CEP112: variants seen among roughly 807,000 people sequenced by gnomAD.
CEP112 encodes the protein centrosomal protein of 112 kDa.
Under a neutral mutation model 153.0 loss-of-function variants are expected in CEP112, and 127 were observed. The ratio of observed to expected loss-of-function variants is 0.83; its 90% confidence interval spans 0.72 to 0.96. The LOEUF is 0.96. Ranked by LOEUF, CEP112 falls within the 40% of genes least tolerant of loss-of-function variation. The pLI, the probability that CEP112 is intolerant of heterozygous loss-of-function variation, is 0.00. For missense variants in CEP112, 1,089 were observed against 1,101.2 expected (o/e 0.99, Z 0.16); for synonymous variants, 358 against 374.4 (o/e 0.96, Z 0.51).
intron 23 of CEP112, among the ~76,000 whole-genome samples, chr17:65,711,304 C>A (rs906779684): frequency 6.6e-6 from 1 of 152,152 alleles, no homozygotes; most frequent in African/African-American, 2.4e-5. Flanking sequence ...AATCTCTGCT[C>A]CAACTCTTTG....
chr17:66,145,939 T>G (rs1568544828), intron 4 of CEP112, among the ~76,000 whole-genome samples: 1 of 152,082 alleles, frequency 6.6e-6, no homozygotes, highest in African/African-American at 2.4e-5. Flanking sequence ...AAAACTATGA[T>G]GAAATACATA....
At chr17:66,182,518 C>G (rs979023411) in intron 2 of CEP112, 5 of 152,184 alleles carry the variant, frequency 3.3e-5, no homozygotes, top group Admixed American at 2.0e-4. Context: ...TGGTCCCACT[C>G]CAAACCTACC....
intron 23 of CEP112, among the ~76,000 whole-genome samples, chr17:65,713,484 CT>C (rs1312759805): frequency 6.6e-6 from 1 of 152,218 alleles, no homozygotes; most frequent in Non-Finnish European, 1.5e-5. Context: ...AGAAAACATA[CT>C]CTTGTGAAGG....
chr17:66,154,906 T>G (rs1459638132), intron 4 of CEP112, among the ~76,000 whole-genome samples: 1 of 152,236 alleles, frequency 6.6e-6, no homozygotes, highest in Non-Finnish European at 1.5e-5. Context: ...AGTTAGGCCA[T>G]GAAGGCTTTG....
chr17:66,108,823 T>C (rs548512051), intron 6 of CEP112, among the ~76,000 whole-genome samples: 2 of 152,300 alleles, frequency 1.3e-5, no homozygotes, highest in East Asian at 3.9e-4. Context: ...CCCATCTTTG[T>C]TGTAGCACTG....
In CEP112 at chr17:65,807,133, C is replaced by G. The variant is rs7216784; in HGVS notation, c.2394+44671G>C. Among the ~76,000 whole-genome samples, 1,265 of 152,286 alleles carry G rather than the reference C, an allele frequency of 8.3e-3. 17 individuals are homozygous for G. The highest frequency in any genetic ancestry group is 0.029 in the African/African-American group (1,193 of 41,572). ...ATTGGGAAGTGGAGTAAAAGTCATT[C>G]TTGCTATGCTTTAGCAAAGAGACAG... On this transcript the variant is annotated intron_variant, in intron 21 of 26. Coordinates refer to ENST00000535342, the MANE Select transcript of CEP112 (RefSeq NM_001199165.4).
In CEP112 at chr17:66,149,873, TTTTTTTGTTTGTTTG is replaced by T. The variant is rs1568549148; in HGVS notation, c.471-17125_471-17111del. Among the ~76,000 whole-genome samples, 61 of 78,734 alleles carry T rather than the reference TTTTTTTGTTTGTTTG, an allele frequency of 7.7e-4. 2 individuals are homozygous for T. Among genetic ancestry groups the T allele is most frequent in the Non-Finnish European group, 8.6e-4 (35 of 40,522 alleles). 51.7% of individuals were successfully genotyped at this position (78,734 alleles called of 152,430 possible). On this transcript the variant is annotated intron_variant, in intron 4 of 26. Coordinates refer to ENST00000535342, the MANE Select transcript of CEP112 (RefSeq NM_001199165.4). ...CCTTAAGGTGTAAATTTAGGGTTTT[TTTTTTTGTTTGTTTG>T]TTTTTTTTTTTTTTTTTTTTTGAGA...
At chr17:65,832,338 C>CA (rs1430981375) in intron 21 of CEP112, among the ~76,000 whole-genome samples, 1 of 149,476 alleles carries the variant, frequency 6.7e-6, no homozygotes, top group Non-Finnish European at 1.5e-5. Flanking sequence ...AAGAAATAAC[C>CA]AAAACGAGAG....
At chr17:65,973,154 A>T (rs911260743) in intron 17 of CEP112, among the ~76,000 whole-genome samples, 1 of 152,272 alleles carries the variant, frequency 6.6e-6, no homozygotes, top group African/African-American at 2.4e-5. Flanking sequence ...CTAAAACTAT[A>T]AAACTTTCAG....
At chr17:66,036,271 A>T (rs1467634176) in intron 12 of CEP112, among the ~76,000 whole-genome samples, 2 of 152,200 alleles carry the variant, frequency 1.3e-5, no homozygotes, top group Admixed American at 1.3e-4. Context: ...AAGACAAAAA[A>T]GTTTTAAAGA....
intron 4 of CEP112, among the ~76,000 whole-genome samples, chr17:66,144,295 AAG>A (rs1414960190): frequency 6.6e-6 from 1 of 152,216 alleles, no homozygotes; most frequent in African/African-American, 2.4e-5. Flanking sequence ...CAGTATTTTC[AAG>A]AGTCTCATAT....
chr17:66,187,235 TGA>T (rs56188142), intron 1 of CEP112, among the ~76,000 whole-genome samples: 20,645 of 152,096 alleles, frequency 0.14, 1,784 homozygotes, highest in Non-Finnish European at 0.2. Flanking sequence ...TGTTCCAGAA[TGA>T]GTTTCCTAAT....
chr17:65,704,427 A>ACACG (rs1308604607), intron 23 of CEP112, among the ~76,000 whole-genome samples: 2 of 141,924 alleles, frequency 1.4e-5, no homozygotes, highest in African/African-American at 5.8e-5. Flanking sequence ...AAATACACAC[A>ACACG]CACACACACA....
At chr17:66,039,772 G>C (rs1316537755) in intron 12 of CEP112, among the ~76,000 whole-genome samples, 2 of 152,026 alleles carry the variant, frequency 1.3e-5, no homozygotes, top group African/African-American at 2.4e-5. Context: ...CCACTATTTT[G>C]ACCTCTATCA....
intron 21 of CEP112, among the ~76,000 whole-genome samples, chr17:65,771,085 T>A (rs1015922735): frequency 6.6e-6 from 1 of 152,038 alleles, no homozygotes; most frequent in Non-Finnish European, 1.5e-5. Context: ...TCGGCAAAGC[T>A]TATCACTGTG....
Position 66,096,318 on chromosome 17 carries a change from T to G in CEP112, c.701A>C (p.Lys234Thr). ...KPIPVSLMTPKFSLRKSSSFH... is the reference protein window; with the variant it reads ...KPIPVSLMTPTFSLRKSSSFH... ...ACTGCTGGATTTTCTCAGGCTGAAT[T>G]TCGGTGTCATCTGCTAAATGAACAG... Residue 234 changes from lysine (K) to threonine (T), a missense_variant, in exon 8 of 27, where the codon AAA becomes ACA. Lys to Thr is a moderately conservative substitution (Grantham distance 78, BLOSUM62 -1). Coordinates refer to ENST00000535342, the MANE Select transcript of CEP112 (RefSeq NM_001199165.4). 6.2e-7 allele frequency: 1 copy of G among 1,613,156 alleles called. No individual in the cohort carries two copies. Among genetic ancestry groups the G allele is most frequent in the Non-Finnish European group, 8.5e-7 (1 of 1,179,484 alleles).
chr17:65,685,667 ATT>A (rs556118592), intron 24 of CEP112, among the ~76,000 whole-genome samples: 14 of 105,312 alleles, frequency 1.3e-4, no homozygotes, highest in African/African-American at 2.7e-4. Context: ...AATAGTTCTA[ATT>A]TTTTTTTTTT....
At chr17:66,012,285 T>C (rs1173451084) in intron 16 of CEP112, among the ~76,000 whole-genome samples, 1 of 152,212 alleles carries the variant, frequency 6.6e-6, no homozygotes, top group East Asian at 1.9e-4. Flanking sequence ...GTTAGCTGGT[T>C]ATTATGCAGA....
intron 6 of CEP112, among the ~76,000 whole-genome samples, chr17:66,128,019 G>A (rs1568522683): frequency 6.6e-6 from 1 of 151,900 alleles, no homozygotes; most frequent in Non-Finnish European, 1.5e-5. Context: ...GACCTAAAAC[G>A]GCCAGGCGCG....
Sources: allele counts gnomAD v4.1 joint callset (sites outside exome capture counted in the v4.1 genomes callset), GRCh38; gene constraint gnomAD v4.1.1; transcripts MANE v1.5; gene names NCBI Gene and HGNC (gene_info 2026-07-23, HGNC 2026-07-21).